The following CNTN6 variants were observed in gnomAD, a reference collection of about 807,000 sequenced individuals.
CNTN6 encodes the protein contactin-6.
CNTN6 carries 137 observed loss-of-function variants against 122.8 expected under a neutral mutation model. That is an observed-to-expected ratio of 1.12 (90% CI 0.97 to 1.29). CNTN6 has a LOEUF of 1.29. CNTN6 is among the 50% of genes most tolerant of loss of function. The pLI, the probability that CNTN6 is intolerant of heterozygous loss-of-function variation, is 0.00. For missense variants in CNTN6, 1,634 were observed against 1,223.4 expected (o/e 1.34, Z -5.01); for synonymous variants, 570 against 426.0 (o/e 1.34, Z -4.16).
At chr3:1,388,603 T>C (rs1194808044) in intron 20 of CNTN6, among the ~76,000 whole-genome samples, 3 of 148,904 alleles carry the variant, frequency 2.0e-5, no homozygotes, top group Admixed American at 6.7e-5. Context: ...CTTCAGACGA[T>C]CAAATTACTC....
intron 1 of CNTN6, among the ~76,000 whole-genome samples, chr3:1,117,761 A>T (rs535905997): frequency 5.9e-4 from 90 of 152,280 alleles, no homozygotes; most frequent in African/African-American, 2.0e-3. Context: ...AAGTGATTTA[A>T]TGTTCCCAGA....
Position 1,383,103 on chromosome 3 carries a change from C to A in CNTN6, c.2328C>A (p.Val776=), listed in dbSNP as rs765851483. Residue 776 remains valine (V), a synonymous_variant, in exon 18 of 23, where the codon GTC becomes GTA. Transcript: ENST00000446702. ...TCATCCCACTGTCTCCCTTTGAAGT[C>A]AAAGTGGGTGTGTATAATAATGAAG... ...ESIIPLSPFE[V]KVGVYNNEGE... is the part of the protein sequence containing the mutation. The A allele has an allele frequency of 6.2e-7, 1 of 1,614,010 alleles. No individual in the cohort carries two copies. Among genetic ancestry groups the A allele is most frequent in the Non-Finnish European group, 8.5e-7 (1 of 1,179,944 alleles).
intron 4 of CNTN6, among the ~76,000 whole-genome samples, chr3:1,251,217 C>T (rs532812033): frequency 5.9e-5 from 9 of 152,242 alleles, no homozygotes; most frequent in South Asian, 2.1e-4. Flanking sequence ...CCAATAGCCA[C>T]GCTGCTAAGA....
At chr3:1,169,329 A>C (rs2093318341) in intron 2 of CNTN6, among the ~76,000 whole-genome samples, 1 of 152,134 alleles carries the variant, frequency 6.6e-6, no homozygotes, top group African/African-American at 2.4e-5. Flanking sequence ...GGTGTGGGGA[A>C]GGAGGGGACA....
chr3:1,305,579 A>C (rs1698221930), intron 7 of CNTN6, among the ~76,000 whole-genome samples: 1 of 152,230 alleles, frequency 6.6e-6, no homozygotes, highest in Non-Finnish European at 1.5e-5. Flanking sequence ...TTTGAAAAAA[A>C]TATGGGCTCT....
chr3:1,235,054 C>T (rs910353191), intron 4 of CNTN6, among the ~76,000 whole-genome samples: 2 of 152,196 alleles, frequency 1.3e-5, no homozygotes, highest in Non-Finnish European at 2.9e-5. Context: ...CACACTATCG[C>T]TGCTGGAAAT....
chr3:1,397,812 CTTTTA>C (rs1014415243), intron 20 of CNTN6, among the ~76,000 whole-genome samples: 10 of 152,196 alleles, frequency 6.6e-5, no homozygotes, highest in African/African-American at 2.4e-4. Context: ...AAGCATTAAG[CTTTTA>C]TTTTATCTTG....
At chr3:1,365,205 ACACTAACCTACTTC>A (rs1708040086) in intron 12 of CNTN6, among the ~76,000 whole-genome samples, 1 of 152,056 alleles carries the variant, frequency 6.6e-6, no homozygotes, top group Non-Finnish European at 1.5e-5. Context: ...TTTAATCTAT[ACACTAACCTACTTC>A]CACAACTCCA....
chr3:1,342,635 T>C lies in CNTN6; in HGVS notation c.1365-9689T>C, dbSNP rs75468025. Reference sequence around the variant, plus strand: ...AGGAACACTATTATTTGCCTGGAGCTAGGACAGAGGCTAAAAAAAATACTA... The same window carrying C: ...AGGAACACTATTATTTGCCTGGAGCCAGGACAGAGGCTAAAAAAAATACTA... On this transcript the variant is annotated intron_variant, in intron 11 of 22. Transcript: ENST00000446702. Among the ~76,000 whole-genome samples, 760 of 152,252 alleles carry C rather than the reference T, an allele frequency of 5.0e-3. 7 individuals are homozygous for C. The highest frequency in any genetic ancestry group is 0.017 in the African/African-American group (716 of 41,540).
At chr3:1,400,822 A>G (rs1286993625) in intron 20 of CNTN6, among the ~76,000 whole-genome samples, 3 of 152,128 alleles carry the variant, frequency 2.0e-5, no homozygotes, top group Non-Finnish European at 2.9e-5. Context: ...CAAGATGAGT[A>G]TACAGCAGAC....
intron 2 of CNTN6, among the ~76,000 whole-genome samples, chr3:1,165,416 G>T (rs1051381447): frequency 1.3e-5 from 2 of 152,048 alleles, no homozygotes; most frequent in African/African-American, 4.8e-5. Flanking sequence ...TGGATCAAAC[G>T]CTTCAAGTGC....
intron 2 of CNTN6, among the ~76,000 whole-genome samples, chr3:1,195,532 C>T (rs765892919): frequency 5.9e-5 from 9 of 152,162 alleles, no homozygotes; most frequent in Admixed American, 1.3e-4. Context: ...TGTGAAAACA[C>T]TACCAAACTC....
At chr3:1,258,178 G>T (rs2094790025) in intron 4 of CNTN6, among the ~76,000 whole-genome samples, 1 of 152,072 alleles carries the variant, frequency 6.6e-6, no homozygotes, top group Non-Finnish European at 1.5e-5. Context: ...TTAATATTTT[G>T]AAGGGAGGAA....
At chr3:1,305,836 A>G (rs1310673188) in intron 7 of CNTN6, among the ~76,000 whole-genome samples, 3 of 152,116 alleles carry the variant, frequency 2.0e-5, no homozygotes, top group Admixed American at 2.0e-4. Flanking sequence ...GAAGCTAAAG[A>G]TACCCAGCTT....
At chr3:1,322,776 T>G (rs538535659) in intron 8 of CNTN6, among the ~76,000 whole-genome samples, 104 of 151,660 alleles carry the variant, frequency 6.9e-4, no homozygotes, top group African/African-American at 2.2e-3. Context: ...TCTTTAGAAT[T>G]TCCAACTTTA....
chr3:1,244,569 C>T (rs1408976594), intron 4 of CNTN6, among the ~76,000 whole-genome samples: 2 of 152,158 alleles, frequency 1.3e-5, no homozygotes, highest in Non-Finnish European at 2.9e-5. Flanking sequence ...AGCAGGAGGA[C>T]GGGGGATTGA....
chr3:1,309,531 C>T (rs769100241), intron 7 of CNTN6, among the ~76,000 whole-genome samples: 7 of 152,144 alleles, frequency 4.6e-5, no homozygotes, highest in Non-Finnish European at 8.8e-5. Context: ...TGTAGCTTTA[C>T]GGTAAATCCT....
In CNTN6 at chr3:1,133,531, C is replaced by G. The variant is rs185717353; in HGVS notation, c.-82-14396C>G. 3.1e-3 allele frequency among the ~76,000 whole-genome samples: 469 copies of G among 152,290 alleles called. 1 individual carries two copies. The highest frequency in any genetic ancestry group is 0.011 in the African/African-American group (450 of 41,550). On this transcript the variant is annotated intron_variant, in intron 1 of 22. Transcript: ENST00000446702. The stretch of plus-strand genomic sequence containing the variant: ...TAAGTAACTCACACAAATCCTTCAC[C>G]TAGTGAGAGCCACAGGTCAGATTTA...
chr3:1,321,843 A>C lies in CNTN6; in HGVS notation c.946+9A>C. The stretch of plus-strand genomic sequence containing the variant: ...TCAACTCATTTTTTATGGTGAGCTA[A>C]TTGGATTTCAAATATATATAAAATA... On this transcript the variant is annotated intron_variant, in intron 8 of 22. Transcript: ENST00000446702. 6.3e-7 allele frequency: 1 copy of C among 1,591,288 alleles called. No homozygotes were observed. Among genetic ancestry groups the C allele is most frequent in the Non-Finnish European group, 8.5e-7 (1 of 1,169,646 alleles).
Sources: allele counts gnomAD v4.1 joint callset (sites outside exome capture counted in the v4.1 genomes callset), GRCh38; gene constraint gnomAD v4.1.1; transcripts MANE v1.5; gene names NCBI Gene and HGNC (gene_info 2026-07-23, HGNC 2026-07-21).